Variants in ARB2A observed in about 807,000 individuals in gnomAD.
ARB2A encodes cotranscriptional regulator ARB2A.
At chr5:93,805,562 C>T in the ARB2A span, 3 of 985,136 alleles carry the variant, frequency 3.0e-6, no homozygotes, top group Non-Finnish European at 3.6e-6. Flanking sequence ...CATACAGCAT[C>T]CTTCCTGATA....
chr5:94,103,595 A>G, the ARB2A span, among the ~76,000 whole-genome samples: 2 of 152,020 alleles, frequency 1.3e-5, no homozygotes, highest in East Asian at 1.9e-4. Flanking sequence ...ACACCCACTG[A>G]CAGTACTAGA....
the ARB2A span, among the ~76,000 whole-genome samples, chr5:93,770,883 G>A: frequency 1.3e-5 from 2 of 152,084 alleles, no homozygotes; most frequent in African/African-American, 4.8e-5. Flanking sequence ...ACTGCCCAAG[G>A]TAATTTATAG....
the ARB2A span, among the ~76,000 whole-genome samples, chr5:93,875,015 A>AT: frequency 6.6e-6 from 1 of 152,162 alleles, no homozygotes; most frequent in African/African-American, 2.4e-5. Flanking sequence ...AAGTCTTGCT[A>AT]TATCAGGTTT....
At chr5:93,901,497 C>T in the ARB2A span, among the ~76,000 whole-genome samples, 1 of 152,040 alleles carries the variant, frequency 6.6e-6, no homozygotes, top group Non-Finnish European at 1.5e-5. Context: ...AGTTGTTATG[C>T]CAATTATACC....
the ARB2A span, among the ~76,000 whole-genome samples, chr5:93,953,607 T>C: frequency 6.6e-6 from 1 of 152,144 alleles, no homozygotes; most frequent in Non-Finnish European, 1.5e-5. Context: ...GAAGCCAGTA[T>C]GGTACTACAT....
the ARB2A span, among the ~76,000 whole-genome samples, chr5:93,983,758 A>T: frequency 2.6e-5 from 4 of 152,242 alleles, no homozygotes; most frequent in African/African-American, 9.6e-5. Flanking sequence ...CACGCTCTTG[A>T]TATCATGCTT....
At chr5:93,658,777 GA>G in the ARB2A span, among the ~76,000 whole-genome samples, 34 of 152,132 alleles carry the variant, frequency 2.2e-4, no homozygotes, top group Non-Finnish European at 4.4e-5. Context: ...GAAGCTCAAA[GA>G]TAAATTTTAT....
At chr5:94,070,347 G>A in the ARB2A span, among the ~76,000 whole-genome samples, 1 of 151,940 alleles carries the variant, frequency 6.6e-6, no homozygotes, top group African/African-American at 2.4e-5. Context: ...GTGCACAGAA[G>A]GAAACAATGA....
At chr5:94,015,271 C>T in the ARB2A span, among the ~76,000 whole-genome samples, 2 of 152,198 alleles carry the variant, frequency 1.3e-5, no homozygotes, top group African/African-American at 2.4e-5. Flanking sequence ...AAAACAACTA[C>T]CATCTAAGCA....
At chr5:93,770,962 T>C in the ARB2A span, among the ~76,000 whole-genome samples, 1 of 152,098 alleles carries the variant, frequency 6.6e-6, no homozygotes, top group Non-Finnish European at 1.5e-5. Flanking sequence ...ACTTTAAAGT[T>C]CATATGGAAC....
At chr5:93,838,386 GT>G in the ARB2A span, among the ~76,000 whole-genome samples, 4 of 152,078 alleles carry the variant, frequency 2.6e-5, no homozygotes, top group Non-Finnish European at 5.9e-5. Flanking sequence ...ATACCATGCT[GT>G]TTTGGTTACT....
chr5:93,848,524 T>A, the ARB2A span, among the ~76,000 whole-genome samples: 37 of 152,276 alleles, frequency 2.4e-4, no homozygotes, highest in East Asian at 2.5e-3. Flanking sequence ...GAACCACTAA[T>A]CAAACCATAA....
chr5:93,985,658 C>G, the ARB2A span, among the ~76,000 whole-genome samples: 1 of 152,208 alleles, frequency 6.6e-6, no homozygotes, highest in South Asian at 2.1e-4. Context: ...CTCCTGACCT[C>G]TGGTGATCTG....
chr5:94,087,971 A>G, the ARB2A span, among the ~76,000 whole-genome samples: 34 of 152,344 alleles, frequency 2.2e-4, no homozygotes, highest in African/African-American at 8.2e-4. Context: ...CACATTTCTC[A>G]GAAAATATCC....
At chr5:94,034,333 G>A in the ARB2A span, among the ~76,000 whole-genome samples, 1 of 152,116 alleles carries the variant, frequency 6.6e-6, no homozygotes, top group African/African-American at 2.4e-5. Flanking sequence ...TGAGGAACAT[G>A]TTTAGAGGTA....
chr5:93,677,595 G>C, the ARB2A span, among the ~76,000 whole-genome samples: 2 of 152,172 alleles, frequency 1.3e-5, no homozygotes, highest in African/African-American at 2.4e-5. Flanking sequence ...GCTATTGTGA[G>C]GTCATGAGAT....
the ARB2A span, among the ~76,000 whole-genome samples, chr5:93,827,263 T>G: frequency 6.6e-6 from 1 of 152,194 alleles, no homozygotes; most frequent in Non-Finnish European, 1.5e-5. Context: ...ACCTGTTGTT[T>G]CCTGACTTTT....
the ARB2A span, among the ~76,000 whole-genome samples, chr5:93,825,760 C>T: frequency 1.3e-5 from 2 of 152,134 alleles, no homozygotes; most frequent in Middle Eastern, 3.4e-3. Flanking sequence ...GAAAGTTATA[C>T]TGATCTTTTG....
the ARB2A span, chr5:94,050,650 T>C: frequency 9.5e-7 from 1 of 1,053,164 alleles, no homozygotes; most frequent in Non-Finnish European, 1.4e-6. Context: ...AAAGAGTGCA[T>C]AAACTGCTGC....
Sources: gnomAD v4.1 joint callset for allele counts (sites outside exome capture counted in the v4.1 genomes callset) on GRCh38, gnomAD v4.1.1 for gene constraint, MANE v1.5 for transcripts, NCBI Gene and HGNC (gene_info 2026-07-23, HGNC 2026-07-21) for gene names.